Variants in ZSWIM6 observed in about 807,000 individuals in gnomAD.
ZSWIM6 encodes the protein zinc finger SWIM-type containing 6, also known as zinc finger SWIM domain-containing protein 6.
In ZSWIM6, 9 loss-of-function variants were observed where a neutral mutation model predicts 113.2. That is an observed-to-expected ratio of 0.08 (90% CI 0.05 to 0.14). The LOEUF (loss-of-function observed/expected upper bound fraction) is 0.14. ZSWIM6 is among the 10% of genes least tolerant of loss of function. The pLI is 1.00. For missense variants in ZSWIM6, 1,162 were observed against 1,552.2 expected (o/e 0.75, Z 4.22); for synonymous variants, 611 against 606.5 (o/e 1.01, Z -0.11).
At chr5:61,503,958 C>A (rs1196599733) in intron 4 of ZSWIM6, among the ~76,000 whole-genome samples, 1 of 151,824 alleles carries the variant, frequency 6.6e-6, no homozygotes, top group Non-Finnish European at 1.5e-5. Flanking sequence ...TTTTCCACTC[C>A]TTCCCAAAAA....
At chr5:61,511,355 T>C (rs1748781687) in intron 4 of ZSWIM6, among the ~76,000 whole-genome samples, 1 of 152,172 alleles carries the variant, frequency 6.6e-6, no homozygotes, top group Non-Finnish European at 1.5e-5. Flanking sequence ...TTCAAAATCA[T>C]AGAACTCATT....
At chr5:61,374,070 T>C (rs763196328) in intron 1 of ZSWIM6, among the ~76,000 whole-genome samples, 2 of 152,212 alleles carry the variant, frequency 1.3e-5, no homozygotes, top group Non-Finnish European at 2.9e-5. Context: ...ATACTATACA[T>C]GTGGTAATAA....
In ZSWIM6 at chr5:61,520,008, T is replaced by A. The variant is rs770707145; in HGVS notation, c.1334-1255T>A. The stretch of plus-strand genomic sequence containing the variant: ...GGCAGAACTTAGATGGTAATACTTG[T>A]TCGTCTGCCATTCACCTCCTGCTGT... On this transcript the variant is annotated intron_variant, in intron 4 of 13. Transcript: ENST00000252744. Among the ~76,000 whole-genome samples, 20 of 152,314 alleles carry A rather than the reference T, an allele frequency of 1.3e-4. No homozygotes were observed. The Middle Eastern group carries it at 0.01, about 78-fold the overall frequency.
At chr5:61,461,993 T>C (rs1414024784) in intron 1 of ZSWIM6, among the ~76,000 whole-genome samples, 1 of 152,206 alleles carries the variant, frequency 6.6e-6, no homozygotes, top group Non-Finnish European at 1.5e-5. Flanking sequence ...TCTTAAAGCG[T>C]ACAAATTGGG....
intron 1 of ZSWIM6, among the ~76,000 whole-genome samples, chr5:61,357,995 A>G (rs941906368): frequency 2.0e-5 from 3 of 152,088 alleles, no homozygotes; most frequent in Non-Finnish European, 4.4e-5. Flanking sequence ...TGCCTCCTCA[A>G]TTTTTGACAA....
At chr5:61,455,749 A>C (rs907794385) in intron 1 of ZSWIM6, among the ~76,000 whole-genome samples, 2 of 151,980 alleles carry the variant, frequency 1.3e-5, no homozygotes, top group Non-Finnish European at 2.9e-5. Context: ...CATAATGATA[A>C]CTTTGTGTCA....
chr5:61,396,852 C>T (rs1006147344), intron 1 of ZSWIM6, among the ~76,000 whole-genome samples: 1 of 152,062 alleles, frequency 6.6e-6, no homozygotes, highest in South Asian at 2.1e-4. Context: ...ATGAATTATC[C>T]GTCTAATGTC....
intron 1 of ZSWIM6, among the ~76,000 whole-genome samples, chr5:61,354,721 A>T (rs765014284): frequency 6.6e-6 from 1 of 152,202 alleles, no homozygotes; most frequent in Non-Finnish European, 1.5e-5. Flanking sequence ...AAATTCATAC[A>T]TCACTTGATT....
chr5:61,518,672 T>C (rs1190873895), intron 4 of ZSWIM6, among the ~76,000 whole-genome samples: 1 of 152,188 alleles, frequency 6.6e-6, no homozygotes, highest in East Asian at 1.9e-4. Context: ...GAGTTCATTG[T>C]AGATTCTGGA....
intron 4 of ZSWIM6, among the ~76,000 whole-genome samples, chr5:61,515,226 T>A (rs1013357373): frequency 3.9e-5 from 6 of 152,154 alleles, no homozygotes; most frequent in Non-Finnish European, 5.9e-5. Flanking sequence ...CCTCCCTGGT[T>A]CAAGCAATTC....
chr5:61,382,841 A>G (rs1483741730), intron 1 of ZSWIM6, among the ~76,000 whole-genome samples: 1 of 151,950 alleles, frequency 6.6e-6, no homozygotes, highest in Non-Finnish European at 1.5e-5. Context: ...AGAAAGAAAG[A>G]AAGAATTTGG....
At chr5:61,355,278 A>G (rs1394018181) in intron 1 of ZSWIM6, among the ~76,000 whole-genome samples, 1 of 152,116 alleles carries the variant, frequency 6.6e-6, no homozygotes, top group Non-Finnish European at 1.5e-5. Context: ...GTGGAGGCCT[A>G]CAGTGGCTCC....
intron 1 of ZSWIM6, among the ~76,000 whole-genome samples, chr5:61,366,956 GC>G (rs1293604354): frequency 6.7e-6 from 1 of 148,772 alleles, no homozygotes; most frequent in African/African-American, 2.5e-5. Flanking sequence ...GGCACAGAAG[GC>G]AATGCCTTAT....
chr5:61,490,257 C>T (rs1748143243), intron 2 of ZSWIM6, among the ~76,000 whole-genome samples: 1 of 152,024 alleles, frequency 6.6e-6, no homozygotes, highest in African/African-American at 2.4e-5. Flanking sequence ...GCTGCACTGC[C>T]TGTTCCCATG....
intron 1 of ZSWIM6, among the ~76,000 whole-genome samples, chr5:61,360,924 C>T (rs900701457): frequency 6.6e-6 from 1 of 152,128 alleles, no homozygotes. Context: ...TTCCTTAGAC[C>T]ATTGCCATCT....
intron 1 of ZSWIM6, among the ~76,000 whole-genome samples, chr5:61,345,379 A>G (rs542053613): frequency 2.0e-5 from 3 of 152,292 alleles, no homozygotes; most frequent in South Asian, 2.1e-4. Flanking sequence ...AGCCAGTGTT[A>G]TGTAGATTGT....
chr5:61,333,008 G>T, intron 1 of ZSWIM6, 60 bp downstream of exon 1: 3 of 498,924 alleles, frequency 6.0e-6, no homozygotes, highest in Non-Finnish European at 8.4e-6. Context: ...GTGGGGGGGG[G>T]GTGCCCGCCT....
At chr5:61,356,286 C>A (rs1246276794) in intron 1 of ZSWIM6, among the ~76,000 whole-genome samples, 1 of 152,074 alleles carries the variant, frequency 6.6e-6, no homozygotes, top group African/African-American at 2.4e-5. Context: ...TTTAAGTTGC[C>A]CTTCACATTA....
chr5:61,495,128 C>A (rs1221425905), intron 4 of ZSWIM6, among the ~76,000 whole-genome samples: 1 of 151,886 alleles, frequency 6.6e-6, no homozygotes, highest in Non-Finnish European at 1.5e-5. Context: ...ATATCAGTAC[C>A]TGTATTAATT....
Sources: gnomAD v4.1 joint callset for allele counts (sites outside exome capture counted in the v4.1 genomes callset) on GRCh38, gnomAD v4.1.1 for gene constraint, MANE v1.5 for transcripts, NCBI Gene and HGNC (gene_info 2026-07-23, HGNC 2026-07-21) for gene names.